The following L3MBTL3 variants were observed in gnomAD, a reference collection of about 807,000 sequenced individuals.
L3MBTL3 encodes the protein L3MBTL histone methyl-lysine binding protein 3.
In L3MBTL3, 27 loss-of-function variants were observed where a neutral mutation model predicts 102.3. That is an observed-to-expected ratio of 0.26 (90% CI 0.19 to 0.36). The LOEUF is 0.36. Among genes scored for constraint, L3MBTL3 ranks in the 10% least tolerant of loss-of-function variants. The pLI is 1.00. For missense variants in L3MBTL3, 798 were observed against 955.3 expected, an observed-to-expected ratio of 0.84 and a Z score of 2.17; for synonymous variants, 340 against 320.9, an observed-to-expected ratio of 1.06 and a Z score of -0.64.
chr6:130,069,759 A>G (rs1352817511), intron 12 of L3MBTL3, among the ~76,000 whole-genome samples: 1 of 152,210 alleles, frequency 6.6e-6, no homozygotes, highest in Non-Finnish European at 1.5e-5. Flanking sequence ...GGTCTTCCTA[A>G]ATTCTATGCA....
chr6:130,134,818 A>G (rs1230534232), intron 22 of L3MBTL3, among the ~76,000 whole-genome samples: 1 of 152,256 alleles, frequency 6.6e-6, no homozygotes, highest in Non-Finnish European at 1.5e-5. Context: ...TTGCAGGAGT[A>G]TAGACACAGC....
intron 20 of L3MBTL3, among the ~76,000 whole-genome samples, chr6:130,124,534 G>T (rs541169953): frequency 4.6e-5 from 7 of 152,108 alleles, no homozygotes; most frequent in Non-Finnish European, 8.8e-5. Flanking sequence ...GAGCCTTTTT[G>T]ATTTTTTGAT....
intron 6 of L3MBTL3, among the ~76,000 whole-genome samples, chr6:130,052,367 A>G (rs1781161385): frequency 6.6e-6 from 1 of 152,174 alleles, no homozygotes. Context: ...AGCCTCCCGA[A>G]ATGCTGGGAT....
intron 2 of L3MBTL3, among the ~76,000 whole-genome samples, chr6:130,035,786 A>G (rs753726436): frequency 1.2e-4 from 18 of 152,198 alleles, no homozygotes; most frequent in Non-Finnish European, 2.2e-4. Flanking sequence ...CTGGAGACCA[A>G]TAGAAGTTAG....
intron 19 of L3MBTL3, 107 bp from the exon 20 acceptor site, chr6:130,120,772 A>G: frequency 2.5e-6 from 2 of 810,138 alleles, no homozygotes; most frequent in South Asian, 1.5e-5. Flanking sequence ...ACACTTTAGT[A>G]GCATCCTTTG....
At chr6:130,046,051 G>A (rs2114724533) in intron 3 of L3MBTL3, among the ~76,000 whole-genome samples, 1 of 152,320 alleles carries the variant, frequency 6.6e-6, no homozygotes, top group African/African-American at 2.4e-5. Context: ...TGGCAGTGCA[G>A]AGGGACATGG....
At chr6:130,083,121 T>G (rs556420235) in intron 14 of L3MBTL3, among the ~76,000 whole-genome samples, 32 of 152,328 alleles carry the variant, frequency 2.1e-4, no homozygotes, top group African/African-American at 7.2e-4. Flanking sequence ...TTGTGTGTGT[T>G]TGTTGGAACA....
At chr6:130,129,995 G>A (rs1786896721) in intron 20 of L3MBTL3, among the ~76,000 whole-genome samples, 1 of 152,226 alleles carries the variant, frequency 6.6e-6, no homozygotes, top group Admixed American at 6.5e-5. Flanking sequence ...ATCATAGGAG[G>A]TGGCATGCTG....
chr6:130,056,765 T>G (rs1781535301), intron 8 of L3MBTL3, among the ~76,000 whole-genome samples: 1 of 152,134 alleles, frequency 6.6e-6, no homozygotes, highest in South Asian at 2.1e-4. Flanking sequence ...ATTTTTTCCT[T>G]AAGTTTTCCG....
In L3MBTL3 at chr6:130,133,843, G is replaced by T. The variant is rs1379298588; in HGVS notation, c.2137G>T (p.Val713Leu). ...GGAATTTTGATATTGCTTTTGACAGGTGTCAGAATTTATACAGAGCTTACC... is the reference window on the plus strand; with the variant it reads ...GGAATTTTGATATTGCTTTTGACAGTTGTCAGAATTTATACAGAGCTTACC... The part of the protein sequence containing the change: ...SKVSKWSTDE[V>L]SEFIQSLPGC... Residue 713 changes from valine to leucine, a missense_variant and splice_region_variant, in exon 22 of 23, where the codon GTG (valine) becomes TTG (leucine). By Grantham distance (32) the Val-to-Leu change is conservative. Coordinates refer to ENST00000361794, the MANE Select transcript of L3MBTL3 (RefSeq NM_032438.4). This position sits in a 1 kb window ranked among gnomAD's most constrained non-coding sequence, Gnocchi z 4.9. The T allele has an allele frequency of 6.2e-7, 1 of 1,611,704 alleles. No homozygotes were observed. Among genetic ancestry groups the T allele is most frequent in the Admixed American group, 1.7e-5 (1 of 60,014 alleles).
chr6:130,042,789 A>C lies in L3MBTL3; in HGVS notation c.90A>C (p.Gly30=). The change falls in exon 3 of 23, where the codon GGA becomes GGC. Residue 30 remains glycine (G), a synonymous_variant. Transcript: ENST00000361794. ...AAGATGGAGTGGGCACGTTACCAGG[A>C]AGTGACTTAAAGGTAAACCCTCTTT... The part of the protein sequence containing the change: ...DWKDGVGTLP[G]SDLKFRVNEF... 1 of 1,609,140 alleles carries C rather than the reference A, an allele frequency of 6.2e-7. No individual in the cohort carries two copies. The highest frequency in any genetic ancestry group is 8.5e-7 in the Non-Finnish European group (1 of 1,175,576).
Position 130,051,393 on chromosome 6 carries a change from G to A in L3MBTL3, c.434G>A (p.Arg145Gln), listed in dbSNP as rs1407981805. The A allele has an allele frequency of 1.3e-5, 21 of 1,613,088 alleles. 1 individual carries two copies. In the Middle Eastern group the frequency reaches 1.2e-3, roughly 88 times the overall value. ...AACTATTGCAGCCAGAATTGTGCTC[G>A]GCACATCAAAGATAAGTAGGTTTTT... ...GGNYCSQNCARHIKDKDQKEE... is the reference protein window; with the variant it reads ...GGNYCSQNCAQHIKDKDQKEE... Residue 145 changes from arginine to glutamine, a missense_variant, in exon 6 of 23, where the codon CGG becomes CAG. Physicochemically the swap from Arg to Gln is conservative, Grantham distance 43. Around this residue, in one of 4 missense-constraint regions of L3MBTL3, gnomAD observed 434 missense variants for 506.6 expected, o/e 0.86. Coordinates refer to ENST00000361794, the MANE Select transcript of L3MBTL3 (RefSeq NM_032438.4).
At chr6:130,093,971 T>A (rs1341923963) in intron 17 of L3MBTL3, among the ~76,000 whole-genome samples, 1 of 152,234 alleles carries the variant, frequency 6.6e-6, no homozygotes, top group Non-Finnish European at 1.5e-5. Flanking sequence ...TAATTCGTAT[T>A]TAGATATCTC....
At chr6:130,060,236 C>A in intron 10 of L3MBTL3, 96 bp downstream of exon 10, 1 of 690,732 alleles carries the variant, frequency 1.4e-6, no homozygotes, top group Non-Finnish European at 2.5e-6. Context: ...TCATGCCAGG[C>A]ATGGTGCTTA....
chr6:130,021,242 T>C (rs747564069), intron 1 of L3MBTL3, among the ~76,000 whole-genome samples: 3 of 152,234 alleles, frequency 2.0e-5, no homozygotes, highest in Non-Finnish European at 2.9e-5. Context: ...AACGCGTCTT[T>C]TAAGTTCGGA....
chr6:130,135,947 A>G (rs1787609060), intron 22 of L3MBTL3, among the ~76,000 whole-genome samples: 1 of 152,204 alleles, frequency 6.6e-6, no homozygotes, highest in African/African-American at 2.4e-5. Flanking sequence ...CTTATAAATC[A>G]TCTTTAAAAG....
At chr6:130,138,619 G>A (rs1419806959) in intron 22 of L3MBTL3, among the ~76,000 whole-genome samples, 1 of 152,048 alleles carries the variant, frequency 6.6e-6, no homozygotes, top group East Asian at 1.9e-4. Flanking sequence ...GAGGTACTGG[G>A]AGTCAGGACA....
chr6:130,073,607 C>T (rs1008196335), intron 13 of L3MBTL3, among the ~76,000 whole-genome samples: 1 of 151,940 alleles, frequency 6.6e-6, no homozygotes, highest in African/African-American at 2.4e-5. Context: ...GTATAAGTTG[C>T]TGATTTGACA....
At chr6:130,121,938 C>T (rs193242135) in intron 20 of L3MBTL3, among the ~76,000 whole-genome samples, 36 of 152,106 alleles carry the variant, frequency 2.4e-4, no homozygotes, top group African/African-American at 8.4e-4. Context: ...CCCAGCTACT[C>T]GGGAGGCTGA....
Sources: allele counts gnomAD v4.1 joint callset (sites outside exome capture counted in the v4.1 genomes callset), GRCh38; gene constraint gnomAD v4.1.1; regional missense constraint gnomAD v4.1.1; non-coding constraint Gnocchi (gnomAD v3.1); transcripts MANE v1.5; gene names NCBI Gene and HGNC (gene_info 2026-07-23, HGNC 2026-07-21).